The following CORO2A variants were observed in gnomAD, a reference collection of about 807,000 sequenced individuals.
CORO2A encodes coronin 2A, also known as coronin-2A.
CORO2A carries 47 observed loss-of-function variants against 62.4 expected under a neutral mutation model. The observed-to-expected ratio is 0.75, with a 90% confidence interval of 0.60 to 0.96. CORO2A has a LOEUF of 0.96. Among genes scored for constraint, CORO2A ranks in the 40% least tolerant of loss-of-function variants. The pLI is 0.00. For missense variants in CORO2A, 610 were observed against 684.1 expected (o/e 0.89, Z 1.21); for synonymous variants, 273 against 268.9 (o/e 1.02, Z -0.15).
At chr9:98,184,125 A>G (rs1433876867) in intron 1 of CORO2A, among the ~76,000 whole-genome samples, 1 of 152,204 alleles carries the variant, frequency 6.6e-6, no homozygotes, top group Admixed American at 6.5e-5. Context: ...ACAGATTTTG[A>G]TATCCTTGGG....
intron 1 of CORO2A, among the ~76,000 whole-genome samples, chr9:98,168,983 C>T (rs886434497): frequency 1.3e-5 from 2 of 152,212 alleles, no homozygotes; most frequent in East Asian, 1.9e-4. Context: ...GAAGGCCCCA[C>T]CCTGCCCTAG....
intron 2 of CORO2A, among the ~76,000 whole-genome samples, chr9:98,149,615 G>A (rs1412501141): frequency 2.0e-5 from 3 of 152,150 alleles, no homozygotes; most frequent in Non-Finnish European, 4.4e-5. Context: ...GTCCCAGACT[G>A]TTTTCAACAA....
At chr9:98,150,900 A>G (rs1347736436) in intron 2 of CORO2A, among the ~76,000 whole-genome samples, 2 of 152,166 alleles carry the variant, frequency 1.3e-5, no homozygotes, top group African/African-American at 4.8e-5. Flanking sequence ...TTTAGGATAC[A>G]GGTCACATGC....
intron 2 of CORO2A, among the ~76,000 whole-genome samples, chr9:98,146,603 T>C (rs1276896269): frequency 6.6e-6 from 1 of 152,224 alleles, no homozygotes; most frequent in Non-Finnish European, 1.5e-5. Flanking sequence ...CACCTACTGA[T>C]ACATCTCTGT....
intron 2 of CORO2A, among the ~76,000 whole-genome samples, chr9:98,155,437 C>A (rs1250292162): frequency 6.0e-5 from 9 of 149,684 alleles, no homozygotes; most frequent in Non-Finnish European, 1.2e-4. Flanking sequence ...ACCTCTGCCT[C>A]CTGCGTTCAA....
chr9:98,121,318 G>A lies in CORO2A; in HGVS notation c.*3456C>T, dbSNP rs546511963. 1 of 152,270 alleles carries A rather than the reference G, an allele frequency of 6.6e-6. No homozygotes were observed. Among genetic ancestry groups the A allele is most frequent in the South Asian group, 2.1e-4 (1 of 4,824 alleles). The allele number at this position is 152,270 out of a possible 1,614,324, so 9.4% of individuals were successfully genotyped here. A position where few individuals can be genotyped will look rare whatever the true frequency, so the allele number is the denominator to read the frequency against. On this transcript the variant is annotated 3_prime_UTR_variant, in exon 12 of 12. Coordinates refer to ENST00000375077, the MANE Select transcript of CORO2A (RefSeq NM_052820.4). ...GAGTCAACAGAAAGGGGACGCCCAG[G>A]GTATGGAATAAGGAGATGAGAGCAT...
intron 1 of CORO2A, among the ~76,000 whole-genome samples, chr9:98,157,930 A>C (rs368493172): frequency 6.6e-6 from 1 of 152,214 alleles, no homozygotes; most frequent in East Asian, 1.9e-4. Flanking sequence ...GAGTGTGAAT[A>C]TAACAAGGCA....
At chr9:98,177,017 A>ATTTC (rs1828117159) in intron 1 of CORO2A, among the ~76,000 whole-genome samples, 1 of 152,190 alleles carries the variant, frequency 6.6e-6, no homozygotes, top group Non-Finnish European at 1.5e-5. Flanking sequence ...TTGTGGAGGG[A>ATTTC]CAAATTCCAA....
intron 1 of CORO2A, among the ~76,000 whole-genome samples, chr9:98,177,230 T>C (rs1828120008): frequency 6.6e-6 from 1 of 152,140 alleles, no homozygotes; most frequent in Non-Finnish European, 1.5e-5. Flanking sequence ...AGGGGAAACC[T>C]GGAGCACATT....
At chr9:98,179,437 C>T (rs935778701) in intron 1 of CORO2A, among the ~76,000 whole-genome samples, 1 of 152,222 alleles carries the variant, frequency 6.6e-6, no homozygotes, top group Non-Finnish European at 1.5e-5. Flanking sequence ...TCCCCATCTT[C>T]CAGGTCCTTC....
At chr9:98,152,148 T>C (rs1827735006) in intron 2 of CORO2A, among the ~76,000 whole-genome samples, 1 of 151,794 alleles carries the variant, frequency 6.6e-6, no homozygotes, top group African/African-American at 2.4e-5. Flanking sequence ...TGTTTTTTCT[T>C]TAAGGGACAT....
Position 98,132,997 on chromosome 9 carries a change from T to C in CORO2A, c.648+41A>G, listed in dbSNP as rs751954225. 7 of 1,609,072 alleles carry C rather than the reference T, an allele frequency of 4.4e-6. No individual in the cohort carries two copies. In the African/African-American group the frequency reaches 9.3e-5, roughly 21 times the overall value. On this transcript the variant is annotated intron_variant, in intron 5 of 11. Coordinates refer to ENST00000375077, the MANE Select transcript of CORO2A (RefSeq NM_052820.4). ...CTCTCTCTGTCCCCACTCTGCTCCT[T>C]GCTCCTCTGAGCCTGAGCCAGCCCC... is the stretch of plus-strand genomic sequence containing the variant.
rs765758376 is a variant in CORO2A, at chr9:98,124,736, G to T, written c.*38C>A. The T allele has an allele frequency of 1.9e-5, 29 of 1,564,660 alleles. 1 individual carries two copies. Among genetic ancestry groups the T allele is most frequent in the Non-Finnish European group, 2.1e-5 (24 of 1,151,788 alleles). ...GTTCTAAACCTCCCCATGGAGCCGA[G>T]TGGTGTCCCTGAGGGTGAGGAGGGC... On this transcript the variant is annotated 3_prime_UTR_variant, in exon 12 of 12. Transcript: ENST00000375077.
Position 98,126,761 on chromosome 9 carries a change from C to G in CORO2A, c.1234G>C (p.Glu412Gln), listed in dbSNP as rs758266065. ...ELLRPHPLPA[E>Q]RPIFNSMAPA... ...GCCATGGAATTGAAGATAGGTCTCTCTGCAGGCAGTGGGTGGGGTCTCAGC... is the reference window on the plus strand; with the variant it reads ...GCCATGGAATTGAAGATAGGTCTCTGTGCAGGCAGTGGGTGGGGTCTCAGC... The change falls in exon 11 of 12, where the codon GAG becomes CAG. Residue 412 changes from glutamate (E) to glutamine (Q), a missense_variant. By Grantham distance (29) the Glu-to-Gln change is conservative (BLOSUM62 2). Transcript: ENST00000375077. The G allele has an allele frequency of 2.5e-6, 4 of 1,614,188 alleles. No individual in the cohort carries two copies. The East Asian group carries it at 8.9e-5, about 36-fold the overall frequency.
intron 1 of CORO2A, among the ~76,000 whole-genome samples, chr9:98,179,971 C>G (rs982873661): frequency 1.3e-5 from 2 of 152,076 alleles, no homozygotes; most frequent in Non-Finnish European, 2.9e-5. Flanking sequence ...CCACTGCACT[C>G]CAGCCTGGAT....
rs574833966 is a variant in CORO2A at position 98,138,829 on chromosome 9, A to G, written c.202-1141T>C. ...TTTGGGGGGCCGAGGCGGGTGGATC[A>G]CGAGGTCAGGAGATCGAGACCATCC... On this transcript the variant is annotated intron_variant, in intron 2 of 11. Coordinates refer to ENST00000375077, the MANE Select transcript of CORO2A (RefSeq NM_052820.4). Among the ~76,000 whole-genome samples, 4 of 152,132 alleles carry G rather than the reference A, an allele frequency of 2.6e-5. No individual in the cohort carries two copies. In the South Asian group the frequency reaches 8.3e-4, roughly 32 times the overall value.
In CORO2A at chr9:98,124,896, T is replaced by C. The variant is rs1282908065; in HGVS notation, c.1456A>G (p.Met486Val). The change falls in exon 12 of 12, where the codon ATG becomes GTG. Residue 486 changes from methionine (M) to valine (V), a missense_variant. Transcript: ENST00000375077. ...PPKTENELLQ[M>V]FYRQQEEIRR... The stretch of plus-strand genomic sequence containing the variant: ...ATCTCCTCCTGTTGCCGGTAGAACA[T>C]CTGCAGCAACTGGGGAAGAAAGATC... The C allele has an allele frequency of 1.9e-6, 3 of 1,566,390 alleles. No individual in the cohort carries two copies. Among genetic ancestry groups the C allele is most frequent in the Non-Finnish European group, 2.6e-6 (3 of 1,153,684 alleles).
chr9:98,184,543 G>A (rs1217949897), intron 1 of CORO2A, among the ~76,000 whole-genome samples: 1 of 152,094 alleles, frequency 6.6e-6, no homozygotes, highest in Admixed American at 6.5e-5. Context: ...AAACAGACTG[G>A]TTTCTTCATG....
chr9:98,187,476 AT>A (rs1406796131), intron 1 of CORO2A, among the ~76,000 whole-genome samples: 79 of 132,326 alleles, frequency 6.0e-4, no homozygotes, highest in Non-Finnish European at 7.9e-4. Flanking sequence ...AAAAAAAAAA[AT>A]GTAGGTGCTT....
Sources: gnomAD v4.1 joint callset for allele counts (sites outside exome capture counted in the v4.1 genomes callset) on GRCh38, gnomAD v4.1.1 for gene constraint, MANE v1.5 for transcripts, NCBI Gene and HGNC (gene_info 2026-07-23, HGNC 2026-07-21) for gene names.